The following LRP1B variants were observed in gnomAD, a reference collection of about 807,000 sequenced individuals.
LRP1B encodes the protein LDL receptor related protein 1B.
LRP1B carries 217 observed loss-of-function variants against 556.6 expected under a neutral mutation model. The observed-to-expected ratio is 0.39, with a 90% CI of 0.35 to 0.44. The LOEUF is 0.44. LRP1B is among the 20% of genes least tolerant of loss of function. The pLI is 1.00. For missense variants in LRP1B, 5,053 were observed against 5,620.8 expected (o/e 0.90, Z 3.23); for synonymous variants, 2,047 against 1,865.8 (o/e 1.10, Z -2.50).
At chr2:140,706,970 A>C (rs1050327138) in intron 37 of LRP1B, among the ~76,000 whole-genome samples, 2 of 152,160 alleles carry the variant, frequency 1.3e-5, no homozygotes, top group Non-Finnish European at 2.9e-5. Context: ...TAATGGAGTG[A>C]AAGAAAATAA....
intron 2 of LRP1B, among the ~76,000 whole-genome samples, chr2:141,507,413 T>A (rs1683972427): frequency 6.7e-6 from 1 of 148,330 alleles, no homozygotes; most frequent in Non-Finnish European, 1.5e-5. Context: ...TAAAAAATGA[T>A]ATAGATATTT....
chr2:141,327,233 C>T (rs1194851004), intron 3 of LRP1B, among the ~76,000 whole-genome samples: 2 of 152,046 alleles, frequency 1.3e-5, no homozygotes, highest in African/African-American at 2.4e-5. Flanking sequence ...ATTGAGTTAC[C>T]TGAAGGACAT....
At chr2:141,967,960 A>G (rs908310897) in intron 1 of LRP1B, among the ~76,000 whole-genome samples, 1 of 151,858 alleles carries the variant, frequency 6.6e-6, no homozygotes, top group Non-Finnish European at 1.5e-5. Flanking sequence ...AATTTTTAAA[A>G]AAAGTATTAA....
chr2:141,530,073 T>C (rs1684819585), intron 2 of LRP1B, among the ~76,000 whole-genome samples: 1 of 152,148 alleles, frequency 6.6e-6, no homozygotes, highest in South Asian at 2.1e-4. Context: ...ATTCTAATAA[T>C]AGCAATCTGA....
At chr2:140,310,165 C>T (rs1471872406) in intron 83 of LRP1B, among the ~76,000 whole-genome samples, 1 of 151,774 alleles carries the variant, frequency 6.6e-6, no homozygotes, top group East Asian at 1.9e-4. Context: ...TGAGACTTAT[C>T]TTTTGCCACT....
intron 1 of LRP1B, among the ~76,000 whole-genome samples, chr2:142,100,214 GT>G (rs1336683668): frequency 6.6e-6 from 1 of 151,876 alleles, no homozygotes; most frequent in Non-Finnish European, 1.5e-5. Context: ...AGGGTTTGTT[GT>G]TTATACAAGT....
intron 19 of LRP1B, 65 bp from the exon 20 acceptor site, chr2:140,950,467 T>C (rs1225312331): frequency 1.1e-5 from 15 of 1,307,834 alleles, no homozygotes; most frequent in Non-Finnish European, 1.6e-5. Flanking sequence ...TCTTATGAAA[T>C]ATCTAACTGG....
chr2:141,353,951 C>A (rs917979602), intron 3 of LRP1B, among the ~76,000 whole-genome samples: 4 of 151,898 alleles, frequency 2.6e-5, no homozygotes, highest in African/African-American at 7.3e-5. Flanking sequence ...CTATGTCATA[C>A]TGATTTCTGA....
intron 23 of LRP1B, among the ~76,000 whole-genome samples, chr2:140,893,567 A>T (rs996976127): frequency 6.6e-5 from 10 of 152,204 alleles, no homozygotes; most frequent in African/African-American, 2.4e-4. Flanking sequence ...TCATTTCCGT[A>T]GGTATAAAAT....
intron 2 of LRP1B, among the ~76,000 whole-genome samples, chr2:141,613,810 T>C (rs901548456): frequency 6.6e-6 from 1 of 151,982 alleles, no homozygotes; most frequent in Non-Finnish European, 1.5e-5. Context: ...TGGCAGCTCA[T>C]GCATGTAATC....
intron 6 of LRP1B, among the ~76,000 whole-genome samples, chr2:141,222,667 C>T (rs1262034459): frequency 1.3e-5 from 2 of 152,052 alleles, no homozygotes; most frequent in Non-Finnish European, 2.9e-5. Flanking sequence ...GCAGCACATC[C>T]AAAAGTTTAT....
intron 1 of LRP1B, among the ~76,000 whole-genome samples, chr2:141,920,712 G>T (rs188761191): frequency 3.9e-5 from 6 of 152,066 alleles, no homozygotes; most frequent in African/African-American, 1.4e-4. Context: ...ATACCTCACA[G>T]ATACTCCATA....
chr2:140,274,394 T>C, intron 85 of LRP1B, 30 bp downstream of exon 85: 2 of 1,599,562 alleles, frequency 1.3e-6, no homozygotes, highest in Non-Finnish European at 1.7e-6. Context: ...GTCCAAATGC[T>C]TTTATAAATT....
intron 69 of LRP1B, among the ~76,000 whole-genome samples, chr2:140,372,688 G>A (rs548518056): frequency 3.3e-5 from 5 of 151,868 alleles, no homozygotes; most frequent in African/African-American, 1.2e-4. Flanking sequence ...ATCTTTTACT[G>A]TACTTTTAAT....
At chr2:141,920,839 T>A (rs770185064) in intron 1 of LRP1B, among the ~76,000 whole-genome samples, 23 of 152,034 alleles carry the variant, frequency 1.5e-4, no homozygotes, top group Non-Finnish European at 2.7e-4. Context: ...TGTATGGATT[T>A]ATTCCAGTAA....
At chr2:141,314,223 T>G (rs1377157814) in intron 3 of LRP1B, among the ~76,000 whole-genome samples, 1 of 152,234 alleles carries the variant, frequency 6.6e-6, no homozygotes, top group Admixed American at 6.5e-5. Flanking sequence ...GGTATAGCTC[T>G]GTCTTCAGGT....
At chr2:141,584,930 CAG>C (rs969147062) in intron 2 of LRP1B, among the ~76,000 whole-genome samples, 145 of 152,112 alleles carry the variant, frequency 9.5e-4, no homozygotes, top group African/African-American at 3.3e-3. Flanking sequence ...TCAATGGGTA[CAG>C]AGTTTCAGTT....
rs1703579341 is a variant in LRP1B at position 142,028,455 on chromosome 2, T to G, written c.82+102193A>C. Among the ~76,000 whole-genome samples the G allele has an allele frequency of 2.6e-5, 4 of 152,006 alleles. No homozygotes were observed. The South Asian group carries it at 8.3e-4, about 31-fold the overall frequency. On this transcript the variant is annotated intron_variant, in intron 1 of 90. Coordinates refer to ENST00000389484, the MANE Select transcript of LRP1B (RefSeq NM_018557.3). Reference sequence around the variant, plus strand: ...AGTATAGCAGCATTTTGATTCTGGCTTCTTTCACTTAGCTTAATGCATTTT... The same window carrying G: ...AGTATAGCAGCATTTTGATTCTGGCGTCTTTCACTTAGCTTAATGCATTTT...
chr2:141,657,661 T>G (rs750549918), intron 2 of LRP1B, among the ~76,000 whole-genome samples: 1 of 152,174 alleles, frequency 6.6e-6, no homozygotes, highest in Admixed American at 6.5e-5. Flanking sequence ...TGAGTCCAAC[T>G]TGGATATCCT....
Sources: gnomAD v4.1 joint callset for allele counts (sites outside exome capture counted in the v4.1 genomes callset) on GRCh38, gnomAD v4.1.1 for gene constraint, MANE v1.5 for transcripts, NCBI Gene and HGNC (gene_info 2026-07-23, HGNC 2026-07-21) for gene names.